The following TMEM156 variants were observed in gnomAD, a reference collection of about 807,000 sequenced individuals.
TMEM156 encodes the protein transmembrane protein 156.
A neutral mutation model predicts 30.5 loss-of-function variants in TMEM156; 28 were observed. The observed-to-expected ratio is 0.92, with a 90% CI of 0.68 to 1.26. The LOEUF (loss-of-function observed/expected upper bound fraction) is 1.26. Among genes scored for constraint, TMEM156 ranks in the 50% most tolerant of loss-of-function variants. The pLI is 0.00. For synonymous variants in TMEM156, 137 were observed against 119.9 expected (o/e 1.14, Z -0.93); for missense variants, 351 against 340.6 (o/e 1.03, Z -0.24).
chr4:38,986,205 A>G (rs112585204), intron 5 of TMEM156, 131 bp downstream of exon 5: 8,976 of 652,352 alleles, frequency 0.014, 109 homozygotes, highest in Middle Eastern at 0.026. Flanking sequence ...ATTTGCCCAC[A>G]GCTCTGTTAT....
intron 1 of TMEM156, among the ~76,000 whole-genome samples, chr4:39,013,923 T>C (rs775066633): frequency 5.3e-5 from 8 of 152,182 alleles, no homozygotes; most frequent in African/African-American, 9.7e-5. Flanking sequence ...TTAGTTTCTA[T>C]AAGGGGTCAT....
At chr4:38,984,969 T>C (rs1370939990) in intron 5 of TMEM156, among the ~76,000 whole-genome samples, 2 of 149,674 alleles carry the variant, frequency 1.3e-5, no homozygotes, top group African/African-American at 2.5e-5. Context: ...TACTTAAAAT[T>C]TGTGATTCCC....
Position 38,984,347 on chromosome 4 carries a change from C to CTGTG in TMEM156, c.823+1988_823+1989insCACA, listed in dbSNP as rs1211976306. Among the ~76,000 whole-genome samples the CTGTG allele has an allele frequency of 2.9e-3, 375 of 130,618 alleles. 1 individual carries two copies. Among genetic ancestry groups the CTGTG allele is most frequent in the African/African-American group, 0.013 (352 of 26,646 alleles). The allele number at this position is 130,618 out of a possible 152,430, so 85.7% of individuals were successfully genotyped here. On this transcript the variant is annotated intron_variant, in intron 5 of 6. Coordinates refer to ENST00000381938, the MANE Select transcript of TMEM156 (RefSeq NM_024943.3). ...TCTTTCTCTCTGTCTCTCTCTCTCT[C>CTGTG]TCTGTGTGTGTGTGTGTGTGTGTGT... is the stretch of plus-strand genomic sequence containing the variant.
At chr4:38,971,229 C>T (rs746877955) in intron 5 of TMEM156, 92 bp from the exon 6 acceptor site, 16 of 1,188,766 alleles carry the variant, frequency 1.3e-5, no homozygotes, top group Non-Finnish European at 2.0e-5. Context: ...GCAAGAGAAG[C>T]ATGCTCTACC....
intron 1 of TMEM156, among the ~76,000 whole-genome samples, chr4:39,023,713 G>A (rs1328999385): frequency 6.6e-6 from 1 of 152,046 alleles, no homozygotes; most frequent in Non-Finnish European, 1.5e-5. Flanking sequence ...AAAAATCCAG[G>A]CATGGTGGTG....
Position 38,967,522 on chromosome 4 carries a change from T to G in TMEM156, c.*158A>C, listed in dbSNP as rs1199784766. ...CTAGTTTTCATCAACCAGTCAGCATTCCTCCTGCTTTCCAACTGTGCATCC... is the reference window on the plus strand; with the variant it reads ...CTAGTTTTCATCAACCAGTCAGCATGCCTCCTGCTTTCCAACTGTGCATCC... On this transcript the variant is annotated 3_prime_UTR_variant, in exon 7 of 7. Coordinates refer to ENST00000381938, the MANE Select transcript of TMEM156 (RefSeq NM_024943.3). The G allele has an allele frequency of 6.6e-6, 1 of 152,172 alleles. No homozygotes were observed. Among genetic ancestry groups the G allele is most frequent in the Non-Finnish European group, 1.5e-5 (1 of 68,036 alleles). 9.4% of individuals were successfully genotyped at this position (152,172 alleles called of 1,614,324 possible). A position where few individuals can be genotyped will look rare whatever the true frequency, so the allele number is the denominator to read the frequency against.
intron 5 of TMEM156, among the ~76,000 whole-genome samples, chr4:38,971,856 C>T (rs1722612358): frequency 6.6e-6 from 1 of 152,002 alleles, no homozygotes. Context: ...ATGGTGCCAT[C>T]TTGGCTCACC....
At chr4:39,019,424 C>G (rs939019923) in intron 1 of TMEM156, among the ~76,000 whole-genome samples, 1 of 152,012 alleles carries the variant, frequency 6.6e-6, no homozygotes, top group African/African-American at 2.4e-5. Context: ...TGCCTGGTAA[C>G]TTTTAATAGT....
chr4:38,975,669 G>A (rs1394466281), intron 5 of TMEM156, among the ~76,000 whole-genome samples: 2 of 151,970 alleles, frequency 1.3e-5, no homozygotes, highest in East Asian at 1.9e-4. Flanking sequence ...GAGCCACTGC[G>A]CCTGGCCTGT....
chr4:39,030,284 G>A (rs1304723512), intron 1 of TMEM156, among the ~76,000 whole-genome samples: 1 of 152,048 alleles, frequency 6.6e-6, no homozygotes, highest in East Asian at 1.9e-4. Context: ...TGGGAAGGCA[G>A]TAAAGGTAGT....
At chr4:38,992,715 T>TATATA (rs1560366911) in intron 3 of TMEM156, among the ~76,000 whole-genome samples, 66 of 43,300 alleles carry the variant, frequency 1.5e-3, no homozygotes, top group Non-Finnish European at 3.0e-3. Flanking sequence ...ATATATATTA[T>TATATA]ATATATATAA....
rs761011586 is a variant in TMEM156, at chr4:38,988,916, A to T, written c.674T>A (p.Ile225Lys). Reference protein sequence around the residue: ...TWYILVLLVFIFLIILTIRKI... With the variant: ...TWYILVLLVFKFLIILTIRKI... Reference sequence around the variant, plus strand: ...GCGGATAGTGAGGATGATCAAAAATATAAAAACTAATAGAACTAAAATATA... The same window carrying T: ...GCGGATAGTGAGGATGATCAAAAATTTAAAAACTAATAGAACTAAAATATA... Residue 225 changes from isoleucine (I) to lysine (K), a missense_variant, in exon 4 of 7, where the codon ATA (isoleucine) becomes AAA (lysine). Transcript: ENST00000381938. 13 of 1,613,614 alleles carry T rather than the reference A, an allele frequency of 8.1e-6. No individual in the cohort carries two copies. The highest frequency in any genetic ancestry group is 1.1e-5 in the Non-Finnish European group (13 of 1,179,560).
At chr4:39,024,236 A>G (rs1715059714) in intron 1 of TMEM156, among the ~76,000 whole-genome samples, 1 of 152,140 alleles carries the variant, frequency 6.6e-6, no homozygotes, top group East Asian at 1.9e-4. Context: ...TGGTTTCACC[A>G]TGTTGGCAGG....
intron 5 of TMEM156, among the ~76,000 whole-genome samples, chr4:38,975,044 A>T (rs912007775): frequency 6.6e-6 from 1 of 152,256 alleles, no homozygotes; most frequent in Middle Eastern, 3.4e-3. Context: ...TCCAGCAGAT[A>T]TTGAGGGCCC....
chr4:38,971,071 TA>T lies in TMEM156; in HGVS notation c.889del (p.Ter297LysfsTer36). ...QEVLPPIPEL[*>X] ...TCACTGATGCACTGTGGAAGTAACT[TA>T]TAGTTCTGGAATTGGGGGAAGCACT... is the stretch of plus-strand genomic sequence containing the variant. On this transcript the variant is annotated frameshift_variant and stop_lost, in exon 6 of 7. Coordinates refer to ENST00000381938, the MANE Select transcript of TMEM156 (RefSeq NM_024943.3). LOFTEE classifies it high-confidence loss of function. The T allele has an allele frequency of 1.9e-6, 3 of 1,613,858 alleles. No homozygotes were observed. Among genetic ancestry groups the T allele is most frequent in the Non-Finnish European group, 2.5e-6 (3 of 1,179,776 alleles).
chr4:38,980,308 G>A (rs763551252), intron 5 of TMEM156, among the ~76,000 whole-genome samples: 2 of 152,020 alleles, frequency 1.3e-5, no homozygotes, highest in Admixed American at 6.6e-5. Flanking sequence ...CTGATGAAGT[G>A]TTTAACCATT....
intron 5 of TMEM156, among the ~76,000 whole-genome samples, chr4:38,977,383 G>T (rs888113656): frequency 6.6e-6 from 1 of 152,198 alleles, no homozygotes. Context: ...GCGATTGCCT[G>T]TCAAAATGAT....
intron 5 of TMEM156, among the ~76,000 whole-genome samples, chr4:38,977,433 A>T (rs12647466): frequency 0.061 from 9,303 of 152,280 alleles, 380 homozygotes; most frequent in South Asian, 0.22. Context: ...CATTATCTTC[A>T]GTTTCTTTCA....
chr4:39,010,057 A>T (rs1714006375), intron 1 of TMEM156, among the ~76,000 whole-genome samples: 2 of 152,214 alleles, frequency 1.3e-5, no homozygotes, highest in South Asian at 4.1e-4. Flanking sequence ...AGGATACAAA[A>T]TCAATGTACA....
Sources: gnomAD v4.1 joint callset for allele counts (sites outside exome capture counted in the v4.1 genomes callset) on GRCh38, gnomAD v4.1.1 for gene constraint, MANE v1.5 for transcripts, NCBI Gene and HGNC (gene_info 2026-07-23, HGNC 2026-07-21) for gene names.